CSGALNACT1: variants seen among roughly 807,000 people sequenced by gnomAD.
The protein encoded by CSGALNACT1 is beta4GalNAcT-1.
A neutral mutation model predicts 51.0 loss-of-function variants in CSGALNACT1; 52 were observed. That is an observed-to-expected ratio of 1.02 (90% CI 0.82 to 1.29). The LOEUF (loss-of-function observed/expected upper bound fraction) is 1.29. Among genes scored for constraint, CSGALNACT1 ranks in the 50% most tolerant of loss-of-function variants. CSGALNACT1 has a pLI of 0.00. For missense variants in CSGALNACT1, 935 were observed against 679.2 expected (o/e 1.38, Z -4.19); for synonymous variants, 341 against 254.4 (o/e 1.34, Z -3.24).
upstream of CSGALNACT1, among the ~76,000 whole-genome samples, chr8:19,685,918 A>T (rs193060810): frequency 2.6e-5 from 4 of 152,318 alleles, no homozygotes; most frequent in Admixed American, 2.0e-4. Flanking sequence ...AACTTCATTA[A>T]GGCCACCTGA....
At chr8:19,677,041 T>C (rs956354173) in intron 1 of CSGALNACT1, among the ~76,000 whole-genome samples, 20 of 151,286 alleles carry the variant, frequency 1.3e-4, no homozygotes, top group African/African-American at 4.8e-4. Context: ...AGAGGGAGTG[T>C]AGAAAATTCT....
chr8:19,717,676 G>A (rs1356743681), intron 1 of CSGALNACT1, among the ~76,000 whole-genome samples: 2 of 152,202 alleles, frequency 1.3e-5, no homozygotes, highest in African/African-American at 2.4e-5. Context: ...ACTGCCCTGA[G>A]CTCCTGAATG....
At chr8:19,559,457 A>T (rs1325227821) in intron 3 of CSGALNACT1, among the ~76,000 whole-genome samples, 5 of 152,170 alleles carry the variant, frequency 3.3e-5, no homozygotes, top group African/African-American at 1.2e-4. Context: ...TCAACATTCA[A>T]CATCAAATTA....
At chr8:19,544,075 CTT>C (rs778207201) in intron 3 of CSGALNACT1, among the ~76,000 whole-genome samples, 1 of 141,662 alleles carries the variant, frequency 7.1e-6, no homozygotes, top group African/African-American at 2.6e-5. Flanking sequence ...GGGGACATAA[CTT>C]TTTTTTTTTT....
intron 6 of CSGALNACT1, among the ~76,000 whole-genome samples, chr8:19,425,363 A>C (rs555935040): frequency 1.3e-5 from 2 of 151,844 alleles, no homozygotes; most frequent in African/African-American, 4.8e-5. Context: ...AAACCAAAAA[A>C]CCATTTTCCT....
At chr8:19,467,655 G>A (rs1324477095) in intron 4 of CSGALNACT1, among the ~76,000 whole-genome samples, 5 of 151,776 alleles carry the variant, frequency 3.3e-5, no homozygotes, top group Admixed American at 6.6e-5. Context: ...TTTTTCGCAT[G>A]GCTAATATTA....
At chr8:19,418,864 T>C in intron 7 of CSGALNACT1, 114 bp from the exon 7 acceptor site, 1 of 745,242 alleles carries the variant, frequency 1.3e-6, no homozygotes. Context: ...TTTTTTTTTC[T>C]TTGAGAGGCA....
chr8:19,754,342 A>G (rs1563235644), intron 1 of CSGALNACT1, among the ~76,000 whole-genome samples: 1 of 152,188 alleles, frequency 6.6e-6, no homozygotes. Flanking sequence ...GATAACCAGA[A>G]GCTTCTGCTA....
intron 1 of CSGALNACT1, among the ~76,000 whole-genome samples, chr8:19,648,289 A>G (rs1410319046): frequency 6.6e-6 from 1 of 152,198 alleles, no homozygotes; most frequent in African/African-American, 2.4e-5. Context: ...TTGCTGAACA[A>G]AACTGCATTT....
At chr8:19,680,401 T>C (rs2060507736) in intron 1 of CSGALNACT1, among the ~76,000 whole-genome samples, 2 of 151,782 alleles carry the variant, frequency 1.3e-5, no homozygotes, top group Admixed American at 6.6e-5. Context: ...ACTAAAAATA[T>C]AAAAATCAGC....
In CSGALNACT1 at chr8:19,489,627, G is replaced by A. The variant is rs557916767; in HGVS notation, c.634+15574C>T. Among the ~76,000 whole-genome samples the A allele has an allele frequency of 2.0e-5, 3 of 152,294 alleles. No homozygotes were observed. In the South Asian group the frequency reaches 6.2e-4, roughly 32 times the overall value. ...AGGGTCCCTCATTTAAGTCTAGGGGGAGACCCTGATGAATTAATCGACAAT... is the reference window on the plus strand; with the variant it reads ...AGGGTCCCTCATTTAAGTCTAGGGGAAGACCCTGATGAATTAATCGACAAT... On this transcript the variant is annotated intron_variant, in intron 4 of 9. Transcript: ENST00000454498.
At chr8:19,461,551 G>C (rs77893317) in intron 4 of CSGALNACT1, among the ~76,000 whole-genome samples, 1,624 of 85,570 alleles carry the variant, frequency 0.019, 10 homozygotes, top group Non-Finnish European at 0.024. Context: ...TTCACCATGG[G>C]GGGCGTATCC....
chr8:19,690,603 T>C lies in CSGALNACT1; in HGVS notation c.-297+67247A>G, dbSNP rs1432273234. 3.9e-5 allele frequency among the ~76,000 whole-genome samples: 6 copies of C among 152,314 alleles called. 1 individual carries two copies. In the South Asian group the frequency reaches 8.3e-4, roughly 21 times the overall value. On this transcript the variant is annotated intron_variant, in intron 1 of 1. Transcript: ENST00000517494. ...CAAAGCCCACTTGTAATAAACTACA[T>C]GAGAGGTTCAAATTTGCTTGATCAT...
intron 1 of CSGALNACT1, among the ~76,000 whole-genome samples, chr8:19,724,881 G>A (rs1237817367): frequency 6.6e-6 from 1 of 152,134 alleles, no homozygotes; most frequent in Admixed American, 6.5e-5. Flanking sequence ...CATGTGCTTG[G>A]TGGCCCCGCA....
intron 3 of CSGALNACT1, among the ~76,000 whole-genome samples, chr8:19,546,450 C>T (rs960776775): frequency 6.6e-6 from 1 of 152,126 alleles, no homozygotes; most frequent in African/African-American, 2.4e-5. Flanking sequence ...CTCAATAGAA[C>T]ATTGAAATAA....
chr8:19,561,335 C>G (rs1183290010), intron 3 of CSGALNACT1, among the ~76,000 whole-genome samples: 1 of 152,090 alleles, frequency 6.6e-6, no homozygotes, highest in African/African-American at 2.4e-5. Context: ...TGACAGAAAA[C>G]AAACGTGTAA....
At chr8:19,740,609 T>A (rs1159092099) in intron 1 of CSGALNACT1, among the ~76,000 whole-genome samples, 7 of 152,258 alleles carry the variant, frequency 4.6e-5, no homozygotes, top group African/African-American at 1.7e-4. Flanking sequence ...TAGTAACTGT[T>A]ATATAATATA....
upstream of CSGALNACT1, among the ~76,000 whole-genome samples, chr8:19,604,742 CT>C (rs1366097058): frequency 2.1e-3 from 259 of 125,282 alleles, no homozygotes; most frequent in African/African-American, 7.9e-3. Flanking sequence ...CCCGTCTCTA[CT>C]TTAAAAAAAA....
upstream of CSGALNACT1, chr8:19,602,622 G>A (rs1443048748): frequency 6.6e-6 from 1 of 152,272 alleles, no homozygotes; most frequent in Non-Finnish European, 1.5e-5. Context: ...GCTCCCTGGG[G>A]GGCGTGAAGC....
Sources: gnomAD v4.1 joint callset for allele counts (sites outside exome capture counted in the v4.1 genomes callset) on GRCh38, gnomAD v4.1.1 for gene constraint, MANE v1.5 for transcripts, NCBI Gene and HGNC (gene_info 2026-07-23, HGNC 2026-07-21) for gene names.